MAP3K20: variants seen among roughly 807,000 people sequenced by gnomAD.
MAP3K20 encodes the protein HCCS-4.
In MAP3K20, 40 loss-of-function variants were observed where a neutral mutation model predicts 85.7. That is an observed-to-expected ratio of 0.47 (90% CI 0.36 to 0.61). The LOEUF (loss-of-function observed/expected upper bound fraction) is 0.61, where lower values mean the gene tolerates loss of function less well. MAP3K20 is among the 20% of genes least tolerant of loss of function. The pLI is 0.00. For missense variants in MAP3K20, 817 were observed against 961.7 expected (o/e 0.85, Z 1.99); for synonymous variants, 325 against 327.7 (o/e 0.99, Z 0.09).
Position 173,076,000 on chromosome 2 carries a change from C to G in MAP3K20, c.-37C>G. The G allele has an allele frequency of 1.0e-6, 1 of 984,726 alleles. No individual in the cohort carries two copies. The highest frequency in any genetic ancestry group is 1.2e-6 in the Non-Finnish European group (1 of 829,634). The allele number at this position is 984,726 out of a possible 1,614,324, so 61.0% of individuals were successfully genotyped here. A position where few individuals can be genotyped will look rare whatever the true frequency, so the allele number is the denominator to read the frequency against. ...TGCTGCTCACGCCCCGCCCGGGAGC[C>G]AGGTAGGGGTCAGGCTGGAGCCCGC... On this transcript the variant is annotated splice_region_variant and 5_prime_UTR_variant, in exon 1 of 20. Coordinates refer to ENST00000375213, the MANE Select transcript of MAP3K20 (RefSeq NM_016653.3).
intron 1 of MAP3K20, among the ~76,000 whole-genome samples, chr2:173,079,467 AT>A (rs1686954808): frequency 6.6e-6 from 1 of 151,868 alleles, no homozygotes; most frequent in South Asian, 2.1e-4. Context: ...TTATTTAAAC[AT>A]TTTTCTTCAA....
chr2:173,266,369 A>G lies in MAP3K20; in HGVS notation c.2022A>G (p.Ser674=). The change falls in exon 20 of 20, where the codon TCA becomes TCG. Residue 674 remains serine, a synonymous_variant. Transcript: ENST00000375213. ...CCTCTTCAGAGAGGGGTCGATACTC[A>G]GACAGAAGCAGGAACAAATATGGAC... The part of the protein sequence containing the change: ...TDTSSERGRY[S]DRSRNKYGRG... The G allele has an allele frequency of 6.2e-7, 1 of 1,614,152 alleles. No homozygotes were observed. The highest frequency in any genetic ancestry group is 8.5e-7 in the Non-Finnish European group (1 of 1,180,012).
chr2:173,125,810 C>T (rs1268690387), intron 2 of MAP3K20, among the ~76,000 whole-genome samples: 1 of 152,066 alleles, frequency 6.6e-6, no homozygotes, highest in East Asian at 1.9e-4. Flanking sequence ...CTAAAGATGC[C>T]TGCCACCACG....
At chr2:173,085,632 C>T (rs996796455) in intron 1 of MAP3K20, among the ~76,000 whole-genome samples, 3 of 152,038 alleles carry the variant, frequency 2.0e-5, no homozygotes, top group Admixed American at 6.6e-5. Context: ...ATTTTTGTGA[C>T]ATTTCTGCTC....
intron 1 of MAP3K20, among the ~76,000 whole-genome samples, chr2:173,081,102 T>G (rs936684007): frequency 6.6e-6 from 1 of 152,212 alleles, no homozygotes; most frequent in Non-Finnish European, 1.5e-5. Flanking sequence ...TCTTAAAAAT[T>G]TATGTGGATT....
intron 2 of MAP3K20, among the ~76,000 whole-genome samples, chr2:173,164,335 G>A (rs1165975651): frequency 1.3e-5 from 2 of 152,096 alleles, no homozygotes; most frequent in African/African-American, 4.8e-5. Context: ...CCATATGCTT[G>A]TTGGCCGCAT....
chr2:173,211,302 A>G (rs1394995197), intron 10 of MAP3K20: 17 of 152,250 alleles, frequency 1.1e-4, no homozygotes, highest in Admixed American at 1.1e-3. Flanking sequence ...AAGACTCACC[A>G]GACCCTCATT....
At chr2:173,102,644 G>A (rs926403693) in intron 2 of MAP3K20, among the ~76,000 whole-genome samples, 2 of 152,190 alleles carry the variant, frequency 1.3e-5, no homozygotes, top group African/African-American at 4.8e-5. Flanking sequence ...GCACTGGTAA[G>A]TATGAAAATG....
chr2:173,164,668 A>G (rs1410652973), intron 2 of MAP3K20, among the ~76,000 whole-genome samples: 1 of 152,206 alleles, frequency 6.6e-6, no homozygotes, highest in Non-Finnish European at 1.5e-5. Flanking sequence ...GATTAGGTTG[A>G]AAAAAAGTTT....
chr2:173,215,626 A>G (rs1265056742), intron 10 of MAP3K20: 1 of 152,086 alleles, frequency 6.6e-6, no homozygotes, highest in Non-Finnish European at 1.5e-5. Flanking sequence ...AGCTACTTAC[A>G]CCTGATTGCT....
chr2:173,112,993 G>A (rs1688017035), intron 2 of MAP3K20, among the ~76,000 whole-genome samples: 1 of 152,170 alleles, frequency 6.6e-6, no homozygotes, highest in African/African-American at 2.4e-5. Context: ...AAAAGGATTG[G>A]TACCAATTCT....
chr2:173,112,055 T>C (rs1687991147), intron 2 of MAP3K20, among the ~76,000 whole-genome samples: 1 of 152,222 alleles, frequency 6.6e-6, no homozygotes, highest in Non-Finnish European at 1.5e-5. Flanking sequence ...GCATGGGATG[T>C]GTTTCCATTT....
intron 2 of MAP3K20, among the ~76,000 whole-genome samples, chr2:173,140,319 T>G (rs1348961575): frequency 6.6e-6 from 1 of 151,796 alleles, no homozygotes; most frequent in Non-Finnish European, 1.5e-5. Flanking sequence ...CACAATCCTA[T>G]ACTTTAAAAT....
intron 2 of MAP3K20, among the ~76,000 whole-genome samples, chr2:173,131,925 T>A (rs1688629996): frequency 6.6e-6 from 1 of 152,178 alleles, no homozygotes. Context: ...ATTCTTTGAT[T>A]TTCTAGAGAC....
intron 1 of MAP3K20, among the ~76,000 whole-genome samples, chr2:173,090,171 G>GT (rs1197450949): frequency 3.9e-5 from 6 of 152,244 alleles, no homozygotes; most frequent in Admixed American, 2.6e-4. Context: ...TTTTGTGTTT[G>GT]TAAGTCTCAC....
At chr2:173,093,253 C>G (rs1321031361) in intron 2 of MAP3K20, among the ~76,000 whole-genome samples, 1 of 152,128 alleles carries the variant, frequency 6.6e-6, no homozygotes, top group Non-Finnish European at 1.5e-5. Context: ...GTAATAAGCC[C>G]TGGATTTTTT....
Position 173,246,959 on chromosome 2 carries a change from G to A in MAP3K20, c.1359+7463G>A, listed in dbSNP as rs764129002. On this transcript the variant is annotated intron_variant, in intron 16 of 19. Coordinates refer to ENST00000375213, the MANE Select transcript of MAP3K20 (RefSeq NM_016653.3). The stretch of plus-strand genomic sequence containing the variant: ...ACTTCCAATTTCCTATTTCAAAGGG[G>A]CAAGAAAAGTAGGAAGAGTAAATGA... Among the ~76,000 whole-genome samples, 7 of 152,164 alleles carry A rather than the reference G, an allele frequency of 4.6e-5. 1 individual carries two copies. The highest frequency in any genetic ancestry group is 6.3e-3 in the Middle Eastern group (2 of 316).
intron 1 of MAP3K20, among the ~76,000 whole-genome samples, chr2:173,088,857 T>A (rs754193515): frequency 6.6e-6 from 1 of 152,240 alleles, no homozygotes; most frequent in Non-Finnish European, 1.5e-5. Context: ...AAACTGTTGA[T>A]TCACATATGT....
At chr2:173,137,521 G>A (rs1688830436) in intron 2 of MAP3K20, among the ~76,000 whole-genome samples, 1 of 152,064 alleles carries the variant, frequency 6.6e-6, no homozygotes. Flanking sequence ...TAATTTTAAA[G>A]TAAGAGAAAT....
Sources: allele counts gnomAD v4.1 joint callset (sites outside exome capture counted in the v4.1 genomes callset), GRCh38; gene constraint gnomAD v4.1.1; transcripts MANE v1.5; gene names NCBI Gene and HGNC (gene_info 2026-07-23, HGNC 2026-07-21).